CRTC1: variants seen among roughly 807,000 people sequenced by gnomAD.
The protein encoded by CRTC1 is CREB-regulated transcription coactivator 1.
Under a neutral mutation model 66.1 loss-of-function variants are expected in CRTC1, and 18 were observed. The observed-to-expected ratio is 0.27, with a 90% CI of 0.19 to 0.40. The LOEUF is 0.40. Ranked by LOEUF, CRTC1 falls within the 10% of genes least tolerant of loss-of-function variation. CRTC1 has a pLI of 1.00. For missense variants in CRTC1, 669 were observed against 887.9 expected (o/e 0.75, Z 3.13); for synonymous variants, 416 against 398.8 (o/e 1.04, Z -0.51).
chr19:18,744,185 C>T (rs765022815), intron 2 of CRTC1: 23 of 1,604,122 alleles, frequency 1.4e-5, no homozygotes, highest in South Asian at 1.0e-4. Context: ...GAGGCCGCGG[C>T]GTCCCCGGCG....
intron 8 of CRTC1, among the ~76,000 whole-genome samples, chr19:18,763,501 G>C (rs906925895): frequency 2.0e-5 from 3 of 152,222 alleles, no homozygotes; most frequent in Admixed American, 2.0e-4. Flanking sequence ...CCAGGTTTGT[G>C]TAAGTTGCCC....
intron 5 of CRTC1, among the ~76,000 whole-genome samples, chr19:18,752,161 AAAAG>A (rs1051839715): frequency 4.6e-5 from 7 of 151,500 alleles, no homozygotes; most frequent in East Asian, 1.9e-4. Flanking sequence ...AAAAAAAAAA[AAAAG>A]AAAGAAAGAA....
At chr19:18,686,299 T>G (rs2052682334) in intron 1 of CRTC1, among the ~76,000 whole-genome samples, 1 of 152,232 alleles carries the variant, frequency 6.6e-6, no homozygotes, top group Non-Finnish European at 1.5e-5. Context: ...TCAAGTAATA[T>G]TCCGTTGTAT....
intron 1 of CRTC1, among the ~76,000 whole-genome samples, chr19:18,705,927 A>C (rs760074663): frequency 8.8e-5 from 12 of 136,364 alleles, no homozygotes; most frequent in Non-Finnish European, 1.6e-4. Context: ...AGAAATGTTT[A>C]TTCAAGTCCT....
rs540058220 is a variant in CRTC1 at position 18,769,088 on chromosome 19, C to T, written c.1320+295C>T. On this transcript the variant is annotated intron_variant, in intron 10 of 13. Transcript: ENST00000321949. ...CCTTCTTGGCCTCTCTGGCCCCTCC[C>T]ACCTGAAGCCAGGCTTCCTAGGAGG... Among the ~76,000 whole-genome samples, 8 of 152,364 alleles carry T rather than the reference C, an allele frequency of 5.3e-5. No homozygotes were observed. The East Asian group carries it at 1.4e-3, about 26-fold the overall frequency.
chr19:18,705,607 C>A (rs1287256817), intron 1 of CRTC1, among the ~76,000 whole-genome samples: 1 of 152,190 alleles, frequency 6.6e-6, no homozygotes, highest in Non-Finnish European at 1.5e-5. Context: ...GCGTGAACCA[C>A]CACGCCCAGC....
intron 9 of CRTC1, among the ~76,000 whole-genome samples, chr19:18,766,266 A>G (rs2054732356): frequency 7.5e-6 from 1 of 133,838 alleles, no homozygotes; most frequent in Non-Finnish European, 1.6e-5. Context: ...GACTACAGGC[A>G]TGTGCTACCA....
intron 1 of CRTC1, among the ~76,000 whole-genome samples, chr19:18,696,578 T>G (rs537744389): frequency 1.3e-5 from 2 of 152,264 alleles, no homozygotes; most frequent in South Asian, 4.1e-4. Context: ...TGAACCTGTG[T>G]CTGACTCCAA....
At chr19:18,770,053 A>C (rs2054827370) in intron 10 of CRTC1, among the ~76,000 whole-genome samples, 1 of 23,498 alleles carries the variant, frequency 4.3e-5, no homozygotes, top group Non-Finnish European at 7.8e-5. Context: ...GCCCTACCCC[A>C]AACTGCCCAG....
chr19:18,770,955 TGTGA>T (rs2054851767), intron 10 of CRTC1, among the ~76,000 whole-genome samples: 2 of 151,144 alleles, frequency 1.3e-5, no homozygotes, highest in Admixed American at 1.3e-4. Context: ...CATTTGTGGG[TGTGA>T]GTATGCGTGT....
chr19:18,775,476 G>T (rs1281807955), intron 12 of CRTC1, among the ~76,000 whole-genome samples, 165 bp from the exon 13 acceptor site: 1 of 152,196 alleles, frequency 6.6e-6, no homozygotes, highest in South Asian at 2.1e-4. Flanking sequence ...GAGGCCCCAG[G>T]TGGCGGGTGG....
intron 1 of CRTC1, among the ~76,000 whole-genome samples, chr19:18,709,598 G>A (rs1212063296): frequency 6.6e-6 from 1 of 152,194 alleles, no homozygotes; most frequent in African/African-American, 2.4e-5. Flanking sequence ...CCATGGATGG[G>A]AGTTGGGATG....
At chr19:18,764,231 G>C (rs952617722) in intron 8 of CRTC1, among the ~76,000 whole-genome samples, 1 of 152,248 alleles carries the variant, frequency 6.6e-6, no homozygotes, top group Non-Finnish European at 1.5e-5. Flanking sequence ...TTAATCTGGT[G>C]CCCAGATCTC....
At chr19:18,711,659 C>A (rs183134391) in intron 1 of CRTC1, among the ~76,000 whole-genome samples, 1 of 152,120 alleles carries the variant, frequency 6.6e-6, no homozygotes, top group African/African-American at 2.4e-5. Context: ...GTGGGTGGGG[C>A]GGCCGTGCTG....
At chr19:18,711,459 G>A (rs1205303321) in intron 1 of CRTC1, among the ~76,000 whole-genome samples, 1 of 152,188 alleles carries the variant, frequency 6.6e-6, no homozygotes, top group Non-Finnish European at 1.5e-5. Context: ...CAGCGTTTCA[G>A]GAGAAGCCAA....
At chr19:18,725,872 C>T (rs748326505) in intron 1 of CRTC1, among the ~76,000 whole-genome samples, 5 of 152,224 alleles carry the variant, frequency 3.3e-5, no homozygotes, top group East Asian at 1.9e-4. Flanking sequence ...GTCGCGCTTC[C>T]GGGGCTGCCG....
intron 2 of CRTC1, among the ~76,000 whole-genome samples, chr19:18,744,752 C>T (rs1021496638): frequency 6.6e-6 from 1 of 152,182 alleles, no homozygotes; most frequent in Admixed American, 6.5e-5. Flanking sequence ...TGCCCACAGC[C>T]TTTTGGGGGC....
chr19:18,728,914 G>A (rs1214569499), intron 1 of CRTC1, among the ~76,000 whole-genome samples: 1 of 148,178 alleles, frequency 6.7e-6, no homozygotes, highest in Non-Finnish European at 1.5e-5. Context: ...CCGAGTTCAA[G>A]TGATTCTCCT....
intron 1 of CRTC1, among the ~76,000 whole-genome samples, chr19:18,728,523 T>G: frequency 6.6e-6 from 1 of 152,122 alleles, no homozygotes; most frequent in Non-Finnish European, 1.5e-5. Context: ...TTAATTTTTT[T>G]GGAGATGGAG....
Sources: allele counts gnomAD v4.1 joint callset (sites outside exome capture counted in the v4.1 genomes callset), GRCh38; gene constraint gnomAD v4.1.1; transcripts MANE v1.5; gene names NCBI Gene and HGNC (gene_info 2026-07-23, HGNC 2026-07-21).